The following CCNY variants were observed in gnomAD, a reference collection of about 807,000 sequenced individuals.
CCNY encodes cyclin Y.
In CCNY, 19 loss-of-function variants were observed where a neutral mutation model predicts 42.8. The ratio of observed to expected loss-of-function variants is 0.44; its 90% CI spans 0.31 to 0.65. CCNY has a LOEUF of 0.65. Among genes scored for constraint, CCNY ranks in the 30% least tolerant of loss-of-function variants. CCNY has a pLI of 0.07. For missense variants in CCNY, 370 were observed against 437.3 expected, an observed-to-expected ratio of 0.85 and a Z score of 1.37; for synonymous variants, 165 against 162.7, an observed-to-expected ratio of 1.01 and a Z score of -0.11.
chr10:35,380,973 T>A (rs972908337), intron 1 of CCNY, among the ~76,000 whole-genome samples: 1 of 152,250 alleles, frequency 6.6e-6, no homozygotes, highest in African/African-American at 2.4e-5. Context: ...AGTACCATTT[T>A]AACTCTGATA....
chr10:35,353,230 A>G (rs1045077970), intron 1 of CCNY, among the ~76,000 whole-genome samples: 2 of 152,178 alleles, frequency 1.3e-5, no homozygotes, highest in African/African-American at 4.8e-5. Flanking sequence ...CGTGGTGGGT[A>G]TATGTTCCTT....
chr10:35,419,995 T>G (rs1838126245), intron 1 of CCNY, among the ~76,000 whole-genome samples: 1 of 151,914 alleles, frequency 6.6e-6, no homozygotes, highest in Non-Finnish European at 1.5e-5. Flanking sequence ...GGTTTCTTTC[T>G]TATCTAGTTT....
intron 1 of CCNY, among the ~76,000 whole-genome samples, chr10:35,355,800 G>C (rs1415469388): frequency 1.3e-5 from 2 of 148,806 alleles, no homozygotes; most frequent in Non-Finnish European, 3.0e-5. Flanking sequence ...ACTGATTATC[G>C]TAAGTACTAT....
chr10:35,340,502 T>G (rs955697009), intron 1 of CCNY, among the ~76,000 whole-genome samples: 68 of 151,370 alleles, frequency 4.5e-4, no homozygotes, highest in African/African-American at 1.6e-3. Context: ...GGCAACTTCA[T>G]TCTTTTTTTT....
At chr10:35,435,775 CTG>C (rs1838516429) in intron 1 of CCNY, among the ~76,000 whole-genome samples, 1 of 152,188 alleles carries the variant, frequency 6.6e-6, no homozygotes, top group African/African-American at 2.4e-5. Context: ...TTAAATCTCT[CTG>C]GGCCTCAGGT....
At chr10:35,420,647 C>T (rs1190476761) in intron 1 of CCNY, among the ~76,000 whole-genome samples, 1 of 152,142 alleles carries the variant, frequency 6.6e-6, no homozygotes, top group East Asian at 1.9e-4. Context: ...CAATCTCACA[C>T]CAGAATCTCA....
At chr10:35,543,852 A>G (rs1172006411) in intron 7 of CCNY, among the ~76,000 whole-genome samples, 1 of 152,218 alleles carries the variant, frequency 6.6e-6, no homozygotes, top group African/African-American at 2.4e-5. Flanking sequence ...AAACAGCGAT[A>G]TTGATCATCC....
At chr10:35,568,387 C>G (rs375636817) in intron 9 of CCNY, among the ~76,000 whole-genome samples, 3 of 152,202 alleles carry the variant, frequency 2.0e-5, no homozygotes, top group African/African-American at 7.2e-5. Context: ...CAGCTTTTAC[C>G]ATCAGCCAGT....
At chr10:35,531,654 C>T (rs1449629327) in intron 7 of CCNY, among the ~76,000 whole-genome samples, 1 of 152,094 alleles carries the variant, frequency 6.6e-6, no homozygotes, top group African/African-American at 2.4e-5. Context: ...GCAGATGAAA[C>T]CATAGATGAA....
intron 3 of CCNY, among the ~76,000 whole-genome samples, chr10:35,313,644 A>C (rs764173056): frequency 3.3e-5 from 5 of 152,230 alleles, no homozygotes; most frequent in Non-Finnish European, 5.9e-5. Context: ...AGAGACCACA[A>C]CACCAGACAA....
At chr10:35,261,992 G>A (rs993069762) in intron 3 of CCNY, among the ~76,000 whole-genome samples, 1 of 151,472 alleles carries the variant, frequency 6.6e-6, no homozygotes, top group Non-Finnish European at 1.5e-5. Context: ...TTGCACTCCA[G>A]CCTGGTCAAA....
At chr10:35,479,765 A>T (rs1017922271) in intron 1 of CCNY, among the ~76,000 whole-genome samples, 12 of 146,394 alleles carry the variant, frequency 8.2e-5, no homozygotes, top group African/African-American at 2.3e-4. Flanking sequence ...TAATAATAAT[A>T]AAAAAAAAAG....
At chr10:35,482,503 C>T (rs1839690786) in intron 1 of CCNY, among the ~76,000 whole-genome samples, 1 of 152,068 alleles carries the variant, frequency 6.6e-6, no homozygotes, top group Non-Finnish European at 1.5e-5. Flanking sequence ...GTTGTTTATA[C>T]CATCCTGACA....
chr10:35,465,800 C>T (rs1276854695), intron 1 of CCNY, among the ~76,000 whole-genome samples: 1 of 152,064 alleles, frequency 6.6e-6, no homozygotes, highest in African/African-American at 2.4e-5. Flanking sequence ...CTGCTCTGTG[C>T]AGTCATCTCT....
chr10:35,492,916 G>C (rs1839928999), intron 2 of CCNY, among the ~76,000 whole-genome samples: 1 of 152,048 alleles, frequency 6.6e-6, no homozygotes, highest in South Asian at 2.1e-4. Context: ...TCCTATTCCG[G>C]GTCAGAACTC....
chr10:35,540,356 A>T (rs1361789285), intron 7 of CCNY, among the ~76,000 whole-genome samples: 6 of 152,206 alleles, frequency 3.9e-5, no homozygotes, highest in Non-Finnish European at 7.3e-5. Context: ...CTTTTGTTCT[A>T]TTAATATGTT....
At chr10:35,481,723 G>A (rs1197905967) in intron 1 of CCNY, among the ~76,000 whole-genome samples, 1 of 152,152 alleles carries the variant, frequency 6.6e-6, no homozygotes, top group Non-Finnish European at 1.5e-5. Context: ...ATCCATCCTG[G>A]TTAGGATTTT....
intron 2 of CCNY, among the ~76,000 whole-genome samples, chr10:35,487,922 G>A (rs898982097): frequency 2.6e-5 from 4 of 152,140 alleles, no homozygotes; most frequent in Admixed American, 6.5e-5. Flanking sequence ...GGGAAGAATT[G>A]TAGTTCCTCA....
intron 1 of CCNY, among the ~76,000 whole-genome samples, chr10:35,483,045 T>C (rs1347043090): frequency 6.6e-6 from 1 of 152,208 alleles, no homozygotes; most frequent in Non-Finnish European, 1.5e-5. Context: ...ACCATGTACT[T>C]GACTGTAATG....
Sources: allele counts gnomAD v4.1 joint callset (sites outside exome capture counted in the v4.1 genomes callset), GRCh38; gene constraint gnomAD v4.1.1; transcripts MANE v1.5; gene names NCBI Gene and HGNC (gene_info 2026-07-23, HGNC 2026-07-21).